Variants in LCP1 observed in about 807,000 individuals in gnomAD.
The protein encoded by LCP1 is plastin-2.
A neutral mutation model predicts 72.0 loss-of-function variants in LCP1; 23 were observed. The observed-to-expected ratio is 0.32, with a 90% CI of 0.23 to 0.45. LCP1 has a LOEUF of 0.45. LCP1 is among the 20% of genes least tolerant of loss of function. LCP1 has a pLI of 1.00. For missense variants in LCP1, 571 were observed against 748.3 expected (o/e 0.76, Z 2.76); for synonymous variants, 245 against 275.4 (o/e 0.89, Z 1.09).
chr13:46,138,266 T>C (rs566872165), intron 13 of LCP1, among the ~76,000 whole-genome samples: 7 of 152,304 alleles, frequency 4.6e-5, no homozygotes, highest in Admixed American at 3.3e-4. Context: ...ATGACCAAAT[T>C]AGCACATCAG....
intron 10 of LCP1, 84 bp from the exon 11 acceptor site, chr13:46,144,604 A>G: frequency 1.1e-6 from 1 of 876,566 alleles, no homozygotes; most frequent in Non-Finnish European, 1.9e-6. Context: ...AGAGGATGCA[A>G]TAAAAACTGA....
At chr13:46,167,419 G>C (rs1041122868) in intron 1 of LCP1, among the ~76,000 whole-genome samples, 1 of 151,996 alleles carries the variant, frequency 6.6e-6, no homozygotes. Context: ...TTTCTACCAA[G>C]TTGCCCAATC....
chr13:46,172,486 T>TA (rs2045909289), intron 1 of LCP1, among the ~76,000 whole-genome samples: 1 of 151,064 alleles, frequency 6.6e-6, no homozygotes, highest in Non-Finnish European at 1.5e-5. Context: ...TCCATTACAT[T>TA]AAAAAAAAGG....
intron 13 of LCP1, among the ~76,000 whole-genome samples, chr13:46,137,259 C>G (rs973383516): frequency 2.6e-5 from 4 of 151,726 alleles, no homozygotes; most frequent in African/African-American, 9.7e-5. Flanking sequence ...TAGGCTGGGC[C>G]GGGCACGGTG....
chr13:46,159,010 T>G lies in LCP1; in HGVS notation c.65-21A>C, dbSNP rs776757417. On this transcript the variant is annotated intron_variant, in intron 2 of 15. Transcript: ENST00000323076. ...AGTATCTGTAATGTACACAATATAC[T>G]GAAGCTTCAGGACGATTCAGGCAAC... The G allele has an allele frequency of 3.7e-6, 6 of 1,612,862 alleles. No individual in the cohort carries two copies. In the East Asian group the frequency reaches 1.1e-4, roughly 30 times the overall value.
At chr13:46,175,100 C>A (rs1378247862) in intron 1 of LCP1, among the ~76,000 whole-genome samples, 2 of 152,156 alleles carry the variant, frequency 1.3e-5, no homozygotes, top group Admixed American at 1.3e-4. Context: ...CCTCCCTGAA[C>A]CTCAGCTTGG....
chr13:46,177,011 C>T (rs894012375), intron 1 of LCP1, among the ~76,000 whole-genome samples: 2 of 152,082 alleles, frequency 1.3e-5, no homozygotes, highest in Non-Finnish European at 2.9e-5. Context: ...TGCTAGTTCC[C>T]CAATTTAACA....
chr13:46,143,072 T>C (rs2045707954), intron 12 of LCP1, among the ~76,000 whole-genome samples: 2 of 152,228 alleles, frequency 1.3e-5, no homozygotes, highest in East Asian at 1.9e-4. Context: ...TGCATGATAA[T>C]GTTTGAAGAC....
intron 1 of LCP1, among the ~76,000 whole-genome samples, chr13:46,161,261 C>T (rs760880437): frequency 2.0e-5 from 3 of 152,100 alleles, no homozygotes; most frequent in Non-Finnish European, 4.4e-5. Context: ...TCCTTGTCAC[C>T]TTCATCTGTG....
Position 46,151,102 on chromosome 13 carries a change from A to G in LCP1, c.740-24T>C, listed in dbSNP as rs753472610. On this transcript the variant is annotated intron_variant, in intron 7 of 15. Transcript: ENST00000323076. ...AGCTGAAGAAGCACAAAAACCACAG[A>G]AAAATAAATGCAGCGATGTTGGGGG... The G allele has an allele frequency of 3.8e-6, 6 of 1,593,714 alleles. No individual in the cohort carries two copies. The South Asian group carries it at 6.7e-5, about 18-fold the overall frequency.
In LCP1 at chr13:46,158,961, G is replaced by A; in HGVS notation, c.93C>T (p.Phe31=). ...CCTTGAACAAGTCATTCAACTCATT[G>A]AAGCTGATGTATCCATTGCCATCAG... is the stretch of plus-strand genomic sequence containing the variant. ...VDTDGNGYIS[F]NELNDLFKAA... Residue 31 remains phenylalanine (F), a synonymous_variant, in exon 3 of 16, where the codon TTC becomes TTT. Transcript: ENST00000323076. 1 of 1,614,118 alleles carries A rather than the reference G, an allele frequency of 6.2e-7. No homozygotes were observed. The highest frequency in any genetic ancestry group is 8.5e-7 in the Non-Finnish European group (1 of 1,180,012).
chr13:46,129,344 C>A (rs2045620173), intron 15 of LCP1, among the ~76,000 whole-genome samples: 1 of 151,894 alleles, frequency 6.6e-6, no homozygotes, highest in Non-Finnish European at 1.5e-5. Flanking sequence ...AATCACACTC[C>A]CCTTGAACAT....
At chr13:46,139,569 G>GCC in intron 13 of LCP1, among the ~76,000 whole-genome samples, 1 of 152,272 alleles carries the variant, frequency 6.6e-6, no homozygotes, top group Middle Eastern at 3.4e-3. Context: ...AATGAATTGA[G>GCC]TCACACTAAC....
chr13:46,157,815 C>T (rs562084041), intron 4 of LCP1, among the ~76,000 whole-genome samples: 7 of 141,294 alleles, frequency 5.0e-5, no homozygotes, highest in African/African-American at 1.9e-4. Context: ...GGTGCAATCT[C>T]GGCTCACTGC....
chr13:46,148,957 A>T (rs2138244319), intron 8 of LCP1: 1 of 171,696 alleles, frequency 5.8e-6, no homozygotes, highest in African/African-American at 2.4e-5. Flanking sequence ...GTAAAAGGAG[A>T]AATATTAAGA....
chr13:46,154,246 G>A (rs188453791), intron 6 of LCP1, among the ~76,000 whole-genome samples: 119 of 152,252 alleles, frequency 7.8e-4, no homozygotes, highest in Middle Eastern at 6.8e-3. Context: ...ATAATGTATC[G>A]TTCATGATTT....
chr13:46,131,239 GA>G (rs1307862185), intron 14 of LCP1, among the ~76,000 whole-genome samples: 1 of 152,132 alleles, frequency 6.6e-6, no homozygotes, highest in Non-Finnish European at 1.5e-5. Flanking sequence ...TCAAGCATAT[GA>G]AAAAATGCAA....
intron 7 of LCP1, 134 bp from the exon 8 acceptor site, chr13:46,151,212 G>T: frequency 1.3e-6 from 1 of 776,232 alleles, no homozygotes; most frequent in Non-Finnish European, 2.0e-6. Flanking sequence ...GGTTCTTGTA[G>T]CCTTTCCCAT....
chr13:46,167,145 G>A (rs976782062), intron 1 of LCP1, among the ~76,000 whole-genome samples: 1 of 152,256 alleles, frequency 6.6e-6, no homozygotes, highest in East Asian at 1.9e-4. Flanking sequence ...GTGGAAGGTA[G>A]GGGGAAGGCT....
Sources: allele counts gnomAD v4.1 joint callset (sites outside exome capture counted in the v4.1 genomes callset), GRCh38; gene constraint gnomAD v4.1.1; transcripts MANE v1.5; gene names NCBI Gene and HGNC (gene_info 2026-07-23, HGNC 2026-07-21).